The following RPTOR variants were observed in gnomAD, a reference collection of about 807,000 sequenced individuals.
The protein encoded by RPTOR is regulatory-associated protein of mTOR.
RPTOR carries 21 observed loss-of-function variants against 169.9 expected under a neutral mutation model. The ratio of observed to expected loss-of-function variants is 0.12; its 90% CI spans 0.09 to 0.18. The LOEUF is 0.18. RPTOR is among the 10% of genes least tolerant of loss of function. The pLI is 1.00. For synonymous variants in RPTOR, 732 were observed against 753.2 expected, an observed-to-expected ratio of 0.97 and a Z score of 0.46; for missense variants, 1,133 against 1,855.9, an observed-to-expected ratio of 0.61 and a Z score of 7.16.
chr17:80,566,529 A>G (rs937042549), intron 1 of RPTOR, among the ~76,000 whole-genome samples: 2 of 152,128 alleles, frequency 1.3e-5, no homozygotes, highest in Admixed American at 6.6e-5. Context: ...ATAAGAATGT[A>G]TATTTTCCTG....
At chr17:80,645,909 C>T (rs2065592118) in intron 3 of RPTOR, among the ~76,000 whole-genome samples, 1 of 152,148 alleles carries the variant, frequency 6.6e-6, no homozygotes, top group Non-Finnish European at 1.5e-5. Flanking sequence ...GATCTGTAGT[C>T]TGGGAAAATT....
At chr17:80,943,157 C>T (rs537816550) in intron 25 of RPTOR, among the ~76,000 whole-genome samples, 1 of 152,330 alleles carries the variant, frequency 6.6e-6, no homozygotes, top group Non-Finnish European at 1.5e-5. Context: ...GACTCCGTGG[C>T]CCTGGTGCCA....
intron 1 of RPTOR, among the ~76,000 whole-genome samples, chr17:80,606,075 G>C (rs1187447064): frequency 6.6e-6 from 1 of 152,070 alleles, no homozygotes; most frequent in Admixed American, 6.5e-5. Flanking sequence ...GCAGTGGTGC[G>C]ATCTGGGCTC....
chr17:80,951,596 G>C (rs1215877854), intron 28 of RPTOR, among the ~76,000 whole-genome samples: 1 of 152,266 alleles, frequency 6.6e-6, no homozygotes, highest in Non-Finnish European at 1.5e-5. Flanking sequence ...GGAAACCTGG[G>C]TGTGGGCAGC....
intron 10 of RPTOR, among the ~76,000 whole-genome samples, chr17:80,842,166 C>CT (rs2067678428): frequency 1.3e-5 from 2 of 152,240 alleles, no homozygotes; most frequent in Non-Finnish European, 2.9e-5. Flanking sequence ...TCCTCACTAA[C>CT]AGTGCTGGCT....
At chr17:80,559,145 A>G (rs911856606) in intron 1 of RPTOR, among the ~76,000 whole-genome samples, 4 of 152,012 alleles carry the variant, frequency 2.6e-5, no homozygotes, top group African/African-American at 9.7e-5. Flanking sequence ...CTGTCTCTGA[A>G]TGTTTTGGCC....
intron 3 of RPTOR, among the ~76,000 whole-genome samples, chr17:80,662,364 T>G (rs1170885324): frequency 1.3e-5 from 2 of 152,170 alleles, no homozygotes; most frequent in Non-Finnish European, 2.9e-5. Flanking sequence ...CTCAAAGCCT[T>G]GCAGGTGGAA....
chr17:80,715,391 A>G (rs940486939), intron 4 of RPTOR, among the ~76,000 whole-genome samples: 1 of 152,190 alleles, frequency 6.6e-6, no homozygotes, highest in Non-Finnish European at 1.5e-5. Context: ...ATGAAATAGA[A>G]TATCTGAATA....
chr17:80,600,458 G>A (rs1160859123), intron 1 of RPTOR, among the ~76,000 whole-genome samples: 2 of 152,272 alleles, frequency 1.3e-5, no homozygotes, highest in African/African-American at 2.4e-5. Context: ...CTGAGAAGGC[G>A]GAGCTGAGAT....
At chr17:80,643,678 A>G (rs1459834590) in intron 2 of RPTOR, 50 bp from the exon 3 acceptor site, 1 of 1,391,028 alleles carries the variant, frequency 7.2e-7, no homozygotes, top group Non-Finnish European at 1.0e-6. Context: ...GGCCTAGCAG[A>G]GGAGGAAATG....
chr17:80,677,389 G>T (rs1478560234), intron 3 of RPTOR, among the ~76,000 whole-genome samples: 1 of 152,300 alleles, frequency 6.6e-6, no homozygotes, highest in East Asian at 1.9e-4. Flanking sequence ...TCATTTGAGA[G>T]GGATTTTGGC....
intron 24 of RPTOR, among the ~76,000 whole-genome samples, chr17:80,933,367 G>A (rs913021915): frequency 1.6e-4 from 25 of 152,032 alleles, no homozygotes; most frequent in African/African-American, 5.1e-4. Flanking sequence ...ATGCAATCAA[G>A]AAAACACTTT....
intron 29 of RPTOR, among the ~76,000 whole-genome samples, chr17:80,958,709 G>A (rs978101252): frequency 7.9e-5 from 12 of 152,124 alleles, no homozygotes; most frequent in South Asian, 2.1e-4. Context: ...CACTGCGCCC[G>A]GCCAGAAGCC....
At chr17:80,676,448 T>G (rs549480893) in intron 3 of RPTOR, among the ~76,000 whole-genome samples, 1 of 152,062 alleles carries the variant, frequency 6.6e-6, no homozygotes, top group African/African-American at 2.4e-5. Flanking sequence ...GCACCAGGCA[T>G]CAGGGCCCCC....
chr17:80,668,782 G>T (rs548019309), intron 3 of RPTOR, among the ~76,000 whole-genome samples: 4 of 152,332 alleles, frequency 2.6e-5, no homozygotes, highest in African/African-American at 9.6e-5. Flanking sequence ...AGGCAGAGCG[G>T]GTCCTGCTGG....
At chr17:80,638,803 G>T (rs1190514684) in intron 2 of RPTOR, among the ~76,000 whole-genome samples, 1 of 152,282 alleles carries the variant, frequency 6.6e-6, no homozygotes, top group African/African-American at 2.4e-5. Flanking sequence ...CTGAAAATCC[G>T]TCTAGCTCTT....
chr17:80,591,139 C>A (rs2065101571), intron 1 of RPTOR, among the ~76,000 whole-genome samples: 1 of 129,254 alleles, frequency 7.7e-6, no homozygotes, highest in Admixed American at 7.7e-5. Flanking sequence ...TGCCTGCCTG[C>A]CTGCCCAGCC....
At chr17:80,963,315 C>T (rs978301262) in intron 33 of RPTOR, among the ~76,000 whole-genome samples, 19 of 152,180 alleles carry the variant, frequency 1.2e-4, no homozygotes, top group Admixed American at 6.5e-4. Flanking sequence ...AGCTCCTGCC[C>T]TCAGACCCTG....
chr17:80,734,968 C>G (rs2066422852), intron 5 of RPTOR, among the ~76,000 whole-genome samples: 1 of 152,170 alleles, frequency 6.6e-6, no homozygotes, highest in Non-Finnish European at 1.5e-5. Context: ...GGGTTATATG[C>G]AAGCACCACA....
Sources: gnomAD v4.1 joint callset for allele counts (sites outside exome capture counted in the v4.1 genomes callset) on GRCh38, gnomAD v4.1.1 for gene constraint, MANE v1.5 for transcripts, NCBI Gene and HGNC (gene_info 2026-07-23, HGNC 2026-07-21) for gene names.